Variants in GALR2 observed in about 807,000 individuals in gnomAD.
The protein encoded by GALR2 is galanin receptor 2.
A neutral mutation model predicts 7.2 loss-of-function variants in GALR2; 5 were observed. That is an observed-to-expected ratio of 0.69 (90% CI 0.36 to 1.45). The LOEUF is 1.45. Ranked by LOEUF, GALR2 falls within the 40% of genes most tolerant of loss-of-function variation. The pLI is 0.03. For synonymous variants in GALR2, 300 were observed against 263.9 expected, an observed-to-expected ratio of 1.14 and a Z score of -1.32; for missense variants, 561 against 555.7, an observed-to-expected ratio of 1.01 and a Z score of -0.10.
rs761610755 is a variant in GALR2, at chr17:76,076,655, C to G, written c.388C>G (p.Pro130Ala). The G allele has an allele frequency of 5.2e-5, 83 of 1,589,964 alleles. No homozygotes were observed. Among genetic ancestry groups the G allele is most frequent in the Non-Finnish European group, 6.7e-5 (79 of 1,172,974 alleles). ...CCGCAGGTATCTGGCCATCCGCTAC[C>G]CGCTGCACTCCCGCGAGCTGCGCAC... is the stretch of plus-strand genomic sequence containing the variant. The part of the protein sequence containing the change: ...SLDRYLAIRY[P>A]LHSRELRTPR... Residue 130 changes from proline to alanine, a missense_variant, in exon 2 of 2, where the codon CCG becomes GCG. By Grantham distance (27) the Pro-to-Ala change is conservative (BLOSUM62 -1). Coordinates refer to ENST00000329003, the MANE Select transcript of GALR2 (RefSeq NM_003857.4). This position sits in a 1 kb window ranked among gnomAD's most constrained non-coding sequence, Gnocchi z 6.5.
upstream of GALR2, chr17:76,072,782 G>A (rs1245079002): frequency 1.8e-6 from 1 of 549,718 alleles, no homozygotes; most frequent in Admixed American, 3.8e-5. This position sits in a 1 kb window ranked among gnomAD's most constrained non-coding sequence, Gnocchi z 4.5. Flanking sequence ...AGAACCGGAG[G>A]TGGACCCCAG....
upstream of GALR2, chr17:76,072,426 A>G (rs1475587772): frequency 1.9e-6 from 3 of 1,584,254 alleles, no homozygotes; most frequent in Admixed American, 1.7e-5. The surrounding 1 kb of genome is among the most constrained non-coding windows in gnomAD (Gnocchi z 4.5). Flanking sequence ...CGCCGCCGCC[A>G]CTGCCACCGC....
Position 76,076,881 on chromosome 17 carries a change from T to C in GALR2, c.614T>C (p.Leu205Pro). ...CTGCTTCCTGTGCTGGTTCTCGGCC[T>C]GACCTACGCGCGCACCTTGCGCTAC... ...SYLLPVLVLG[L>P]TYARTLRYLW... is the part of the protein sequence containing the mutation. The change falls in exon 2 of 2, where the codon CTG becomes CCG. Residue 205 changes from leucine to proline, a missense_variant. Transcript: ENST00000329003. This position sits in a 1 kb window ranked among gnomAD's most constrained non-coding sequence, Gnocchi z 6.5. The C allele has an allele frequency of 1.2e-6, 2 of 1,603,594 alleles. No individual in the cohort carries two copies. The highest frequency in any genetic ancestry group is 1.1e-5 in the South Asian group (1 of 91,044).
Position 76,075,352 on chromosome 17 carries a change from G to C in GALR2, c.368+101G>C. ...AAGAAGGGACGCGCAGAGTGGGACA[G>C]GACACTAAGAAGGCAGTGGAAGACA... On this transcript the variant is annotated intron_variant, in intron 1 of 1. Coordinates refer to ENST00000329003, the MANE Select transcript of GALR2 (RefSeq NM_003857.4). The surrounding 1 kb of genome is among the most constrained non-coding windows in gnomAD (Gnocchi z 5.9). 3.1e-6 allele frequency: 4 copies of C among 1,282,694 alleles called. No homozygotes were observed. Among genetic ancestry groups the C allele is most frequent in the Non-Finnish European group, 4.3e-6 (4 of 931,854 alleles). The allele number at this position is 1,282,694 out of a possible 1,614,324, so 79.5% of individuals were successfully genotyped here.
chr17:76,072,155 C>CA (rs1019565771), upstream of GALR2: 14 of 1,447,352 alleles, frequency 9.7e-6, no homozygotes, highest in Non-Finnish European at 1.1e-5. This position sits in a 1 kb window ranked among gnomAD's most constrained non-coding sequence, Gnocchi z 4.5. Context: ...CAGACCCCCC[C>CA]CGGAATTCTG....
chr17:76,077,395 G>C lies in GALR2; in HGVS notation c.1128G>C (p.Lys376Asn). The change falls in exon 2 of 2, where the codon AAG becomes AAC. Residue 376 changes from lysine to asparagine, a missense_variant. Transcript: ENST00000329003. The stretch of plus-strand genomic sequence containing the variant: ...CTGGCCCGTCCTGGCAGGGCCCAAA[G>C]GCAGGCGACAGCATCCTGACGGTTG... ...PCPGPSWQGP[K>N]AGDSILTVDV... 4 of 1,467,898 alleles carry C rather than the reference G, an allele frequency of 2.7e-6. No homozygotes were observed. Among genetic ancestry groups the C allele is most frequent in the Non-Finnish European group, 3.6e-6 (4 of 1,116,662 alleles). The allele number at this position is 1,467,898 out of a possible 1,614,324, so 90.9% of individuals were successfully genotyped here.
chr17:76,072,405 A>G, upstream of GALR2: 1 of 1,582,000 alleles, frequency 6.3e-7, no homozygotes, highest in East Asian at 2.2e-5. This position sits in a 1 kb window ranked among gnomAD's most constrained non-coding sequence, Gnocchi z 4.5. Context: ...CACCACGTCC[A>G]CCGCCGCTAC....
upstream of GALR2, chr17:76,074,676 G>A: frequency 1.8e-6 from 1 of 569,820 alleles, no homozygotes; most frequent in Non-Finnish European, 3.0e-6. This position sits in a 1 kb window ranked among gnomAD's most constrained non-coding sequence, Gnocchi z 6.7. Context: ...GCCGGCCGCT[G>A]CTGGGGACAA....
upstream of GALR2, among the ~76,000 whole-genome samples, chr17:76,073,318 A>C (rs949955696): frequency 2.8e-5 from 4 of 143,212 alleles, no homozygotes; most frequent in African/African-American, 1.1e-4. Context: ...TTTTTTAGAT[A>C]GAGTTTCGCT....
Position 76,075,344 on chromosome 17 carries a change from G to A in GALR2, c.368+93G>A. 7.4e-7 allele frequency: 1 copy of A among 1,360,226 alleles called. No individual in the cohort carries two copies. The highest frequency in any genetic ancestry group is 2.3e-5 in the East Asian group (1 of 43,380). The allele number at this position is 1,360,226 out of a possible 1,614,324, so 84.3% of individuals were successfully genotyped here. ...TGGGGACCAAGAAGGGACGCGCAGA[G>A]TGGGACAGGACACTAAGAAGGCAGT... On this transcript the variant is annotated intron_variant, in intron 1 of 1. Coordinates refer to ENST00000329003, the MANE Select transcript of GALR2 (RefSeq NM_003857.4). The surrounding 1 kb of genome is among the most constrained non-coding windows in gnomAD (Gnocchi z 5.9).
At chr17:76,074,477 G>T (rs2066877869), upstream of GALR2, among the ~76,000 whole-genome samples, 1 of 152,240 alleles carries the variant, frequency 6.6e-6, no homozygotes, top group South Asian at 2.1e-4. The surrounding 1 kb of genome is among the most constrained non-coding windows in gnomAD (Gnocchi z 6.7). Flanking sequence ...TCCCTGCGGC[G>T]CGGCGCACAC....
chr17:76,076,840 C>G lies in GALR2; in HGVS notation c.573C>G (p.Thr191=). ...APRRRAMDIC[T]FVFSYLLPVL... Reference sequence around the variant, plus strand: ...GCCGCCGCGCCATGGACATCTGCACCTTCGTCTTCAGCTACCTGCTTCCTG... The same window carrying G: ...GCCGCCGCGCCATGGACATCTGCACGTTCGTCTTCAGCTACCTGCTTCCTG... The change falls in exon 2 of 2, where the codon ACC becomes ACG. Residue 191 remains threonine, a synonymous_variant. Transcript: ENST00000329003. The surrounding 1 kb of genome is among the most constrained non-coding windows in gnomAD (Gnocchi z 6.5). The G allele has an allele frequency of 1.2e-6, 2 of 1,605,304 alleles. No homozygotes were observed. The highest frequency in any genetic ancestry group is 2.7e-5 in the African/African-American group (2 of 75,038).
chr17:76,072,723 G>C (rs974260909), upstream of GALR2: 3 of 765,910 alleles, frequency 3.9e-6, no homozygotes, highest in East Asian at 3.1e-5. This position sits in a 1 kb window ranked among gnomAD's most constrained non-coding sequence, Gnocchi z 4.5. Flanking sequence ...TGAGACCGTG[G>C]CTGCTGAGAT....
In GALR2 at chr17:76,076,065, C is replaced by T. The variant is rs1205131230; in HGVS notation, c.369-571C>T. On this transcript the variant is annotated intron_variant, in intron 1 of 1. Transcript: ENST00000329003. This position sits in a 1 kb window ranked among gnomAD's most constrained non-coding sequence, Gnocchi z 6.5. Reference sequence around the variant, plus strand: ...TCCATCCTCTGGAAAAACAGAGAGGCGAGGCCAGACTGCCCCCACACCTCC... The same window carrying T: ...TCCATCCTCTGGAAAAACAGAGAGGTGAGGCCAGACTGCCCCCACACCTCC... Among the ~76,000 whole-genome samples the T allele has an allele frequency of 6.6e-6, 1 of 152,196 alleles. No individual in the cohort carries two copies. Among genetic ancestry groups the T allele is most frequent in the Non-Finnish European group, 1.5e-5 (1 of 68,032 alleles).
chr17:76,077,143 C>T lies in GALR2; in HGVS notation c.876C>T (p.Tyr292=), dbSNP rs113884061. The change falls in exon 2 of 2, where the codon TAC becomes TAT. Residue 292 remains tyrosine (Y), a synonymous_variant. Transcript: ENST00000329003. ...YANSCVNPIV[Y]ALVSKHFRKG... ...ACTCCTGCGTCAACCCCATCGTTTA[C>T]GCGCTGGTCTCCAAGCACTTCCGCA... 1.2e-4 allele frequency: 198 copies of T among 1,612,808 alleles called. 1 individual carries two copies. Among genetic ancestry groups the T allele is most frequent in the African/African-American group, 1.2e-3 (91 of 75,060 alleles).
chr17:76,072,233 C>G (rs920277138), upstream of GALR2: 15 of 1,598,072 alleles, frequency 9.4e-6, no homozygotes, highest in Non-Finnish European at 1.2e-5. This position sits in a 1 kb window ranked among gnomAD's most constrained non-coding sequence, Gnocchi z 4.5. Flanking sequence ...TGTCGGGACC[C>G]GCCGCCTCTC....
chr17:76,073,100 G>A (rs1283603032), upstream of GALR2, among the ~76,000 whole-genome samples: 5 of 152,178 alleles, frequency 3.3e-5, no homozygotes, highest in Non-Finnish European at 5.9e-5. Flanking sequence ...CAAAGAGGGA[G>A]AAGTGTTGAG....
Position 76,077,460 on chromosome 17 carries a change from A to G in GALR2, c.*29A>G. Reference sequence around the variant, plus strand: ...CACTTAGCGGGCGCGCTGGGATGTCACAGAGTTGGAGTCATTGTTGGGGGA... The same window carrying G: ...CACTTAGCGGGCGCGCTGGGATGTCGCAGAGTTGGAGTCATTGTTGGGGGA... On this transcript the variant is annotated 3_prime_UTR_variant, in exon 2 of 2. Coordinates refer to ENST00000329003, the MANE Select transcript of GALR2 (RefSeq NM_003857.4). 3 of 1,438,982 alleles carry G rather than the reference A, an allele frequency of 2.1e-6. No individual in the cohort carries two copies. Among genetic ancestry groups the G allele is most frequent in the Non-Finnish European group, 1.8e-6 (2 of 1,100,624 alleles). 89.1% of individuals were successfully genotyped at this position (1,438,982 alleles called of 1,614,324 possible). A position where few individuals can be genotyped will look rare whatever the true frequency, so the allele number is the denominator to read the frequency against.
upstream of GALR2, chr17:76,072,610 CT>C: frequency 1.4e-6 from 2 of 1,462,214 alleles, no homozygotes; most frequent in Non-Finnish European, 1.8e-6. This position sits in a 1 kb window ranked among gnomAD's most constrained non-coding sequence, Gnocchi z 4.5. Flanking sequence ...GCCGTCGGCC[CT>C]TGCTGCAGCA....
Sources: allele counts gnomAD v4.1 joint callset (sites outside exome capture counted in the v4.1 genomes callset), GRCh38; gene constraint gnomAD v4.1.1; non-coding constraint Gnocchi (gnomAD v3.1); transcripts MANE v1.5; gene names NCBI Gene and HGNC (gene_info 2026-07-23, HGNC 2026-07-21).